Variants in BAG6 observed in about 807,000 individuals in gnomAD.
BAG6 encodes the protein large proline-rich protein BAG6.
Under a neutral mutation model 121.0 loss-of-function variants are expected in BAG6, and 22 were observed. That is an observed-to-expected ratio of 0.18 (90% CI 0.13 to 0.26). BAG6 has a LOEUF of 0.26. Among genes scored for constraint, BAG6 ranks in the 10% least tolerant of loss-of-function variants. BAG6 has a pLI of 1.00. For synonymous variants in BAG6, 583 were observed against 584.6 expected (o/e 1.00, Z 0.04); for missense variants, 1,233 against 1,537.7 (o/e 0.80, Z 3.31).
In BAG6 at chr6:31,646,453, A is replaced by C. The variant is rs1214242824; in HGVS notation, c.859T>G (p.Phe287Val). The C allele has an allele frequency of 1.2e-6, 2 of 1,612,952 alleles. No homozygotes were observed. Among genetic ancestry groups the C allele is most frequent in the South Asian group, 2.2e-5 (2 of 91,076 alleles). The part of the protein sequence containing the change: ...LQRLESRLQP[F>V]LQRYYEVLGA... ...AGAACCTCGTAGTAGCGCTGCAAGA[A>C]GGGCTGGAGGCGACTCTCCAGCCGC... The change falls in exon 8 of 26, where the codon TTC becomes GTC. Residue 287 changes from phenylalanine (F) to valine (V), a missense_variant. By Grantham distance (50) the Phe-to-Val change is conservative. Coordinates refer to ENST00000676615, the MANE Select transcript of BAG6 (RefSeq NM_001387994.1).
intron 2 of BAG6, among the ~76,000 whole-genome samples, chr6:31,651,376 TAA>T (rs907856870): frequency 1.2e-4 from 18 of 151,978 alleles, no homozygotes; most frequent in Non-Finnish European, 2.4e-4. Flanking sequence ...CCGTCTCTAC[TAA>T]AAATACAAAA....
chr6:31,648,386 G>A (rs891467096), intron 6 of BAG6, among the ~76,000 whole-genome samples: 2 of 138,954 alleles, frequency 1.4e-5, no homozygotes, highest in African/African-American at 3.0e-5. Flanking sequence ...TCCTCCACAA[G>A]TTGGTTTCCC....
chr6:31,640,958 T>C lies in BAG6; in HGVS notation c.2788-20A>G. ...ACGACGCTGAGGGACAGAAAGCAGATTTAGAACACAAAACCCTCAACCACC... is the reference window on the plus strand; with the variant it reads ...ACGACGCTGAGGGACAGAAAGCAGACTTAGAACACAAAACCCTCAACCACC... On this transcript the variant is annotated intron_variant, in intron 20 of 25. Transcript: ENST00000676615. The surrounding 1 kb of genome is among the most constrained non-coding windows in gnomAD (Gnocchi z 4.2). The C allele has an allele frequency of 6.2e-7, 1 of 1,608,990 alleles. No individual in the cohort carries two copies. Among genetic ancestry groups the C allele is most frequent in the East Asian group, 2.2e-5 (1 of 44,790 alleles).
rs774339536 is a variant in BAG6 at position 31,648,918 on chromosome 6, G to A, written c.470C>T (p.Pro157Leu). The change falls in exon 5 of 26, where the codon CCG (proline) becomes CTG (leucine). Residue 157 changes from proline to leucine, a missense_variant. Physicochemically the swap from Pro to Leu is moderately conservative, Grantham distance 98. Around this residue, in one of 7 missense-constraint regions of BAG6, gnomAD observed 777 missense variants for 861.4 expected, o/e 0.90. Coordinates refer to ENST00000676615, the MANE Select transcript of BAG6 (RefSeq NM_001387994.1). Reference sequence around the variant, plus strand: ...TCGGAGGCCCCTCAATACCTGAATCGGGGCCTGTTCCATGTTGATGTGAAC... The same window carrying A: ...TCGGAGGCCCCTCAATACCTGAATCAGGGCCTGTTCCATGTTGATGTGAAC... Reference protein sequence around the residue: ...VDVHINMEQAPIQSEPRVRLV... With the variant: ...VDVHINMEQALIQSEPRVRLV... 7.8e-6 allele frequency: 12 copies of A among 1,536,492 alleles called. No homozygotes were observed. The highest frequency in any genetic ancestry group is 1.0e-5 in the Non-Finnish European group (12 of 1,143,250).
intron 14 of BAG6, among the ~76,000 whole-genome samples, chr6:31,643,660 G>T (rs1225657133): frequency 3.6e-5 from 5 of 137,188 alleles, no homozygotes; most frequent in African/African-American, 1.4e-4. Flanking sequence ...GGAGGCAGAG[G>T]TTGCAGTGAG....
chr6:31,644,700 C>G lies in BAG6; in HGVS notation c.1370-98G>C. 7.3e-7 allele frequency: 1 copy of G among 1,367,534 alleles called. No homozygotes were observed. Among genetic ancestry groups the G allele is most frequent in the Non-Finnish European group, 1.0e-6 (1 of 969,366 alleles). 84.7% of individuals were successfully genotyped at this position (1,367,534 alleles called of 1,614,324 possible). On this transcript the variant is annotated intron_variant, in intron 10 of 25. Transcript: ENST00000676615. This position sits in a 1 kb window ranked among gnomAD's most constrained non-coding sequence, Gnocchi z 4.9. ...GGCATACTTCAGGCCCATAATCCCC[C>G]AATCAGAAAGCCTGCCTTTCCCTCC...
At chr6:31,646,643 T>C in intron 7 of BAG6, 120 bp from the exon 8 acceptor site, 2 of 1,294,186 alleles carry the variant, frequency 1.5e-6, no homozygotes, top group Admixed American at 5.1e-5. Context: ...GCCCAATCCT[T>C]CTCTGGACCA....
At position 31,644,389 on chromosome 6, in the gene BAG6, G is replaced by A. The variant is rs1179804070; in HGVS notation, c.1473C>T (p.Ser491=). The change falls in exon 12 of 26, where the codon TCC becomes TCT. Residue 491 remains serine, a synonymous_variant. Transcript: ENST00000676615. This position sits in a 1 kb window ranked among gnomAD's most constrained non-coding sequence, Gnocchi z 4.9. ...CGGCGTGCATGAACTCAGGGGGCAG[G>A]GAGGGCAGCTGGATGAGGGTGGAGC... The part of the protein sequence containing the change: ...TLGSTLIQLP[S]LPPEFMHAVA... 6.4e-7 allele frequency: 1 copy of A among 1,551,986 alleles called. No homozygotes were observed. Among genetic ancestry groups the A allele is most frequent in the East Asian group, 2.4e-5 (1 of 41,004 alleles).
Position 31,648,749 on chromosome 6 carries a change from A to T in BAG6, c.480T>A (p.Ser160Arg), listed in dbSNP as rs1793031373. The change falls in exon 6 of 26, where the codon AGT (serine) becomes AGA (arginine). Residue 160 changes from serine (S) to arginine (R), a missense_variant and splice_region_variant. Physicochemically the swap from Ser to Arg is moderately radical, Grantham distance 110. Coordinates refer to ENST00000676615, the MANE Select transcript of BAG6 (RefSeq NM_001387994.1). ...HINMEQAPIQ[S>R]EPRVRLVMAQ... ...CCATCACCAGCCGTACCCGGGGCTC[A>T]CTCTACAATGAGAGAAGGTTTATCA... The T allele has an allele frequency of 6.2e-7, 1 of 1,613,978 alleles. No homozygotes were observed. Among genetic ancestry groups the T allele is most frequent in the Non-Finnish European group, 8.5e-7 (1 of 1,180,006 alleles).
intron 24 of BAG6, chr6:31,639,921 C>T: frequency 1.6e-6 from 1 of 614,618 alleles, no homozygotes. Context: ...AGGTAATCCA[C>T]AAGAGGAAAC....
At position 31,640,393 on chromosome 6, in the gene BAG6, C is replaced by A. The variant is rs1363409285; in HGVS notation, c.3130G>T (p.Val1044Phe). The A allele has an allele frequency of 6.2e-7, 1 of 1,614,202 alleles. No individual in the cohort carries two copies. Among genetic ancestry groups the A allele is most frequent in the Non-Finnish European group, 8.5e-7 (1 of 1,180,042 alleles). Reference protein sequence around the residue: ...SAETEPWAAAVPPEWVPIIQQ... With the variant: ...SAETEPWAAAFPPEWVPIIQQ... ...TACTTCCTGACACTTACTGGGGGGA[C>A]TGCAGCTGCCCAAGGTTCTGTCTCA... Residue 1044 changes from valine to phenylalanine, a missense_variant, in exon 23 of 26, where the codon GTC (valine) becomes TTC (phenylalanine). This residue lies in a region of BAG6 where 288 missense variants were observed against 483.1 expected (regional missense o/e 0.60). Coordinates refer to ENST00000676615, the MANE Select transcript of BAG6 (RefSeq NM_001387994.1). This position sits in a 1 kb window ranked among gnomAD's most constrained non-coding sequence, Gnocchi z 4.2.
Position 31,641,022 on chromosome 6 carries a change from T to A in BAG6, c.2787+82A>T. On this transcript the variant is annotated intron_variant, in intron 20 of 25. Coordinates refer to ENST00000676615, the MANE Select transcript of BAG6 (RefSeq NM_001387994.1). The surrounding 1 kb of genome is among the most constrained non-coding windows in gnomAD (Gnocchi z 5.7). ...TAGATCCAGGTTACAGAATGTCAGT[T>A]TAGAAAAGAAAAATGAAAACTGCAG... 2 of 1,598,006 alleles carry A rather than the reference T, an allele frequency of 1.3e-6. No individual in the cohort carries two copies. Among genetic ancestry groups the A allele is most frequent in the Non-Finnish European group, 1.7e-6 (2 of 1,172,080 alleles).
chr6:31,645,177 T>A lies in BAG6; in HGVS notation c.1138A>T (p.Thr380Ser). Residue 380 changes from threonine to serine, a missense_variant, in exon 10 of 26, where the codon ACC becomes TCC. This residue lies in a region of BAG6 where 777 missense variants were observed against 861.4 expected (regional missense o/e 0.90). Coordinates refer to ENST00000676615, the MANE Select transcript of BAG6 (RefSeq NM_001387994.1). Reference protein sequence around the residue: ...PIQINVGTTVTMTGNGTRPPP... With the variant: ...PIQINVGTTVSMTGNGTRPPP... ...GGCCGAGTCCCATTTCCTGTCATGG[T>A]CACAGTGGTTCCCACATTGATCTGA... is the stretch of plus-strand genomic sequence containing the variant. The A allele has an allele frequency of 6.2e-7, 1 of 1,611,640 alleles. No homozygotes were observed. Among genetic ancestry groups the A allele is most frequent in the Non-Finnish European group, 8.5e-7 (1 of 1,179,286 alleles).
Position 31,639,552 on chromosome 6 carries a change from C to A in BAG6, c.3341G>T (p.Ser1114Ile), listed in dbSNP as rs754799151. The A allele has an allele frequency of 6.2e-7, 1 of 1,614,218 alleles. No homozygotes were observed. Among genetic ancestry groups the A allele is most frequent in the Non-Finnish European group, 8.5e-7 (1 of 1,180,030 alleles). Residue 1114 changes from serine (S) to isoleucine (I), a missense_variant, in exon 25 of 26, where the codon AGC becomes ATC. Physicochemically the swap from Ser to Ile is moderately radical, Grantham distance 142 (BLOSUM62 -2). Transcript: ENST00000676615. ...AGARPLTSPESLSRDLEAPEV... is the reference protein window; with the variant it reads ...AGARPLTSPEILSRDLEAPEV... ...TGGTGCCTCCAGGTCCCGGCTCAGG[C>A]TCTCGGGGCTCGTCAGGGGCCGAGC...
intron 15 of BAG6, 58 bp downstream of exon 15, chr6:31,642,771 A>C: frequency 6.3e-7 from 1 of 1,582,504 alleles, no homozygotes; most frequent in Middle Eastern, 1.7e-4. Flanking sequence ...AGAAGGTACC[A>C]CTGCCTGGCT....
rs760274494 is a variant in BAG6, at chr6:31,641,808, C to T, written c.2473G>A (p.Gly825Ser). The T allele has an allele frequency of 6.2e-7, 1 of 1,613,032 alleles. No homozygotes were observed. Among genetic ancestry groups the T allele is most frequent in the South Asian group, 1.1e-5 (1 of 91,080 alleles). ...LRSFFHQHYL[G>S]GQEPTPSNIR... ...TTACTGGGTGTGGGCTCCTGACCAC[C>T]CAGGTAGTGCTGGTGGAAGAAGGAT... The change falls in exon 17 of 26, where the codon GGT becomes AGT. Residue 825 changes from glycine to serine, a missense_variant. Gly to Ser is a moderately conservative substitution (Grantham distance 56). Transcript: ENST00000676615. This position sits in a 1 kb window ranked among gnomAD's most constrained non-coding sequence, Gnocchi z 5.7.
At chr6:31,639,351 G>C in intron 25 of BAG6, 125 bp from the exon 26 acceptor site, 2 of 1,440,740 alleles carry the variant, frequency 1.4e-6, no homozygotes, top group Non-Finnish European at 9.6e-7. Flanking sequence ...AATAGCCCGG[G>C]GTGGCACTGT....
At chr6:31,643,688 A>T (rs1214464340) in intron 14 of BAG6, among the ~76,000 whole-genome samples, 2 of 130,718 alleles carry the variant, frequency 1.5e-5, no homozygotes, top group East Asian at 2.4e-4. Flanking sequence ...TGTACACTGC[A>T]CTCCAGCCTA....
Position 31,643,907 on chromosome 6 carries a change from A to G in BAG6, c.1739T>C (p.Met580Thr), listed in dbSNP as rs766210392. Residue 580 changes from methionine to threonine, a missense_variant, in exon 14 of 26, where the codon ATG becomes ACG. Coordinates refer to ENST00000676615, the MANE Select transcript of BAG6 (RefSeq NM_001387994.1). ...MVSGLVGQLLMQPVLVAQGTP... is the reference protein window; with the variant it reads ...MVSGLVGQLLTQPVLVAQGTP... ...AAACTCACCCACAAGGACTGGCTGC[A>G]TAAGAAGCTGCCCCACAAGGCCGCT... 1.1e-5 allele frequency: 18 copies of G among 1,613,184 alleles called. No homozygotes were observed. In the African/African-American group the frequency reaches 2.3e-4, roughly 20 times the overall value.
Sources: allele counts gnomAD v4.1 joint callset (sites outside exome capture counted in the v4.1 genomes callset), GRCh38; gene constraint gnomAD v4.1.1; regional missense constraint gnomAD v4.1.1; non-coding constraint Gnocchi (gnomAD v3.1); transcripts MANE v1.5; gene names NCBI Gene and HGNC (gene_info 2026-07-23, HGNC 2026-07-21).